CDYL: variants seen among roughly 807,000 people sequenced by gnomAD.
The protein encoded by CDYL is chromodomain Y-like protein.
CDYL carries 8 observed loss-of-function variants against 47.3 expected under a neutral mutation model. The observed-to-expected ratio is 0.17, with a 90% CI of 0.10 to 0.31. CDYL has a LOEUF of 0.31. CDYL is among the 10% of genes least tolerant of loss of function. The probability of loss-of-function intolerance (pLI) is 1.00; values close to 1 mark genes in which losing one functional copy is unlikely to be tolerated. For synonymous variants in CDYL, 266 were observed against 265.0 expected, an observed-to-expected ratio of 1.00 and a Z score of -0.04; for missense variants, 471 against 701.4, an observed-to-expected ratio of 0.67 and a Z score of 3.71.
chr6:4,738,932 C>G (rs952132233), intron 3 of CDYL, among the ~76,000 whole-genome samples: 6 of 151,892 alleles, frequency 4.0e-5, no homozygotes, highest in African/African-American at 1.5e-4. Flanking sequence ...GAGGCCGAGG[C>G]AGGCAGATCA....
chr6:4,748,678 C>A (rs1411181168), intron 3 of CDYL, among the ~76,000 whole-genome samples: 1 of 151,498 alleles, frequency 6.6e-6, no homozygotes, highest in African/African-American at 2.4e-5. Flanking sequence ...CACACACACA[C>A]ACAAACAAAT....
chr6:4,931,647 T>C (rs893430638), intron 2 of CDYL, among the ~76,000 whole-genome samples: 4 of 152,184 alleles, frequency 2.6e-5, no homozygotes, highest in Non-Finnish European at 4.4e-5. Flanking sequence ...CTGTGAATAC[T>C]TCTCTACCTA....
At chr6:4,750,364 G>A (rs1025071122) in intron 3 of CDYL, among the ~76,000 whole-genome samples, 3 of 151,878 alleles carry the variant, frequency 2.0e-5, no homozygotes, top group Non-Finnish European at 2.9e-5. Flanking sequence ...CACCATGCCC[G>A]GCTAATTTTT....
At chr6:4,915,716 A>G (rs111454060) in intron 2 of CDYL, among the ~76,000 whole-genome samples, 2 of 152,216 alleles carry the variant, frequency 1.3e-5, no homozygotes, top group African/African-American at 4.8e-5. Flanking sequence ...ATATTCTGCA[A>G]TGCCCCTGTA....
At chr6:4,834,690 C>T (rs1760244573) in intron 1 of CDYL, among the ~76,000 whole-genome samples, 1 of 152,184 alleles carries the variant, frequency 6.6e-6, no homozygotes, top group African/African-American at 2.4e-5. Context: ...ATTCCATTCT[C>T]CCTGTCACTT....
upstream of CDYL, among the ~76,000 whole-genome samples, chr6:4,775,672 C>G (rs1758418924): frequency 6.7e-6 from 1 of 149,720 alleles, no homozygotes; most frequent in African/African-American, 2.4e-5. This position sits in a 1 kb window ranked among gnomAD's most constrained non-coding sequence, Gnocchi z 7.0. Context: ...CCGGATCCCA[C>G]CCCCGGCCTG....
rs993069810 is a variant in CDYL, at chr6:4,918,993, C to G, written c.692-16522C>G. Among the ~76,000 whole-genome samples the G allele has an allele frequency of 5.9e-5, 9 of 152,266 alleles. 1 individual carries two copies. The South Asian group carries it at 1.5e-3, about 25-fold the overall frequency. ...AAGTATGGGCCTTTATACTACAGAACCTTCAGACGTGGGCAAAGACACTTG... is the reference window on the plus strand; with the variant it reads ...AAGTATGGGCCTTTATACTACAGAAGCTTCAGACGTGGGCAAAGACACTTG... On this transcript the variant is annotated intron_variant, in intron 2 of 6. Transcript: ENST00000397588.
chr6:4,761,813 G>T (rs957679586), intron 3 of CDYL, among the ~76,000 whole-genome samples: 1 of 152,180 alleles, frequency 6.6e-6, no homozygotes, highest in African/African-American at 2.4e-5. Context: ...TTATAGAATT[G>T]TCATAAAGGT....
intron 1 of CDYL, among the ~76,000 whole-genome samples, chr6:4,845,505 T>C (rs1760630052): frequency 6.6e-6 from 1 of 152,238 alleles, no homozygotes; most frequent in South Asian, 2.1e-4. Context: ...GTGTTCCTCA[T>C]TGAGCTTTTA....
chr6:4,772,672 T>A (rs530389753), upstream of CDYL, among the ~76,000 whole-genome samples: 1 of 152,350 alleles, frequency 6.6e-6, no homozygotes, highest in Middle Eastern at 3.4e-3. Context: ...TTAATTTCCC[T>A]TCAGCCACTG....
At chr6:4,848,194 G>T (rs1398659577) in intron 1 of CDYL, among the ~76,000 whole-genome samples, 4 of 152,148 alleles carry the variant, frequency 2.6e-5, no homozygotes, top group South Asian at 2.1e-4. Flanking sequence ...TGGGAGGGGG[G>T]TGCTTTATTG....
intron 1 of CDYL, among the ~76,000 whole-genome samples, chr6:4,888,002 T>A (rs1258355796): frequency 1.3e-5 from 2 of 152,162 alleles, no homozygotes; most frequent in African/African-American, 2.4e-5. Flanking sequence ...TGAATGTTAA[T>A]TGACTTTCAC....
rs577388197 is a variant in CDYL, at chr6:4,936,812, CTTGCCTTATCTAAGAGCCGCAAT to C, written c.949-729_949-707del. Reference sequence around the variant, plus strand: ...AAATGCCCAGTGATATAATAAGCAACTTGCCTTATCTAAGAGCCGCAATTTGCCTTATCTAAGAGCCGCAATGG... The same window carrying C: ...AAATGCCCAGTGATATAATAAGCAACTTGCCTTATCTAAGAGCCGCAATGG... On this transcript the variant is annotated intron_variant, in intron 3 of 6. Transcript: ENST00000397588. 2.2e-3 allele frequency among the ~76,000 whole-genome samples: 339 copies of C among 152,122 alleles called. 1 individual carries two copies. The highest frequency in any genetic ancestry group is 5.6e-3 in the African/African-American group (230 of 41,410).
chr6:4,715,726 G>T, intron 1 of CDYL: 1 of 1,608,096 alleles, frequency 6.2e-7, no homozygotes, highest in Non-Finnish European at 8.5e-7. Flanking sequence ...CCTCTTGTTG[G>T]GATTGTAATT....
At chr6:4,925,409 C>CTT (rs58457972) in intron 2 of CDYL, among the ~76,000 whole-genome samples, 13,352 of 109,186 alleles carry the variant, frequency 0.12, 1,312 homozygotes, top group Middle Eastern at 0.15. Context: ...ATTCTTTTTT[C>CTT]TTTTTTTTTT....
At chr6:4,830,771 A>T (rs1174050379) in intron 1 of CDYL, among the ~76,000 whole-genome samples, 1 of 106,498 alleles carries the variant, frequency 9.4e-6, no homozygotes, top group Admixed American at 1.4e-4. Context: ...ACCCCACAAC[A>T]GGCCCCAGAG....
intron 5 of CDYL, among the ~76,000 whole-genome samples, chr6:4,944,329 G>C (rs1758449073): frequency 6.6e-6 from 1 of 152,232 alleles, no homozygotes; most frequent in South Asian, 2.1e-4. Flanking sequence ...TGGAGAATTA[G>C]CAGGTAGTCA....
At chr6:4,863,935 C>T (rs964742111) in intron 1 of CDYL, among the ~76,000 whole-genome samples, 20 of 152,118 alleles carry the variant, frequency 1.3e-4, no homozygotes, top group African/African-American at 3.9e-4. Flanking sequence ...AGTTGAAACA[C>T]GCTAAAACCC....
In CDYL at chr6:4,857,961, G is replaced by C. The variant is rs183236209; in HGVS notation, c.25-33752G>C. On this transcript the variant is annotated intron_variant, in intron 1 of 6. Transcript: ENST00000397588. ...TTAAAGACGTGGATTTGCCAAGTTG[G>C]ATTGTATCCTTTCAGCCTAAAGGTT... Among the ~76,000 whole-genome samples, 31 of 152,250 alleles carry C rather than the reference G, an allele frequency of 2.0e-4. No homozygotes were observed. In the East Asian group the frequency reaches 5.8e-3, roughly 29 times the overall value.
Sources: gnomAD v4.1 joint callset for allele counts (sites outside exome capture counted in the v4.1 genomes callset) on GRCh38, gnomAD v4.1.1 for gene constraint, Gnocchi (gnomAD v3.1) non-coding constraint, MANE v1.5 for transcripts, NCBI Gene and HGNC (gene_info 2026-07-23, HGNC 2026-07-21) for gene names.